CHMP1A: variants seen among roughly 807,000 people sequenced by gnomAD.
CHMP1A encodes VPS46 homolog A.
CHMP1A carries 17 observed loss-of-function variants against 27.0 expected under a neutral mutation model. The ratio of observed to expected loss-of-function variants is 0.63; its 90% CI spans 0.43 to 0.95. The LOEUF (loss-of-function observed/expected upper bound fraction) is 0.95, where lower values mean the gene tolerates loss of function less well. CHMP1A is among the 40% of genes least tolerant of loss of function. The pLI, the probability that CHMP1A is intolerant of heterozygous loss-of-function variation, is 0.00. For synonymous variants in CHMP1A, 131 were observed against 107.5 expected (o/e 1.22, Z -1.35); for missense variants, 275 against 264.0 (o/e 1.04, Z -0.29).
rs2059771387 is a variant in CHMP1A, at chr16:89,646,095, C to T, written c.570-8G>A. ...TTCCTCAAGGCGGCCAACCTGGAAA[C>T]CAACAACAGGACTCGGGTCAGGGCA... On this transcript the variant is annotated splice_region_variant and splice_polypyrimidine_tract_variant and intron_variant, in intron 6 of 6. Coordinates refer to ENST00000397901, the MANE Select transcript of CHMP1A (RefSeq NM_002768.5). 1 of 1,542,366 alleles carries T rather than the reference C, an allele frequency of 6.5e-7. No individual in the cohort carries two copies. The highest frequency in any genetic ancestry group is 2.0e-5 in the Admixed American group (1 of 50,542).
chr16:89,651,683 G>A lies in CHMP1A; in HGVS notation c.28-37C>T, dbSNP rs73262929. 2.5e-3 allele frequency: 3,968 copies of A among 1,605,286 alleles called. 52 individuals carry two copies. In the African/African-American group the frequency reaches 0.034, roughly 14 times the overall value. ...CCGGAATGTCCTGGGTCAGACATGC[G>A]GAGCCCATCCCCCAGGCCCGGCTCT... On this transcript the variant is annotated intron_variant, in intron 2 of 6. Coordinates refer to ENST00000397901, the MANE Select transcript of CHMP1A (RefSeq NM_002768.5).
intron 2 of CHMP1A, among the ~76,000 whole-genome samples, chr16:89,652,894 G>A (rs540628161): frequency 2.6e-5 from 4 of 152,240 alleles, no homozygotes; most frequent in South Asian, 2.1e-4. Flanking sequence ...ATTACCGGAA[G>A]CTGCAACCTC....
At chr16:89,655,573 TGA>T (rs1244112520) in intron 1 of CHMP1A, among the ~76,000 whole-genome samples, 4 of 152,050 alleles carry the variant, frequency 2.6e-5, no homozygotes, top group Non-Finnish European at 5.9e-5. Flanking sequence ...GACATGGGCT[TGA>T]GAGAAGTCCC....
intron 4 of CHMP1A, among the ~76,000 whole-genome samples, chr16:89,648,661 T>C (rs1273310983): frequency 1.3e-5 from 2 of 151,676 alleles, no homozygotes; most frequent in Admixed American, 6.6e-5. Context: ...GAGGCCGAGG[T>C]GGGAAGATTG....
intron 1 of CHMP1A, 36 bp downstream of exon 1, chr16:89,657,546 C>G: frequency 6.2e-7 from 1 of 1,608,998 alleles, no homozygotes; most frequent in Non-Finnish European, 8.5e-7. Flanking sequence ...CCCCGCCCCG[C>G]GCGCGAGTCC....
At position 89,648,861 on chromosome 16, in the gene CHMP1A, T is replaced by A. The variant is rs11076610; in HGVS notation, c.252+490A>T. ...GCCAACATAGACACCCTGTCTCTAC[T>A]TAAAAATGAAAAGATCAGCCGGGCA... On this transcript the variant is annotated intron_variant, in intron 4 of 6. Transcript: ENST00000397901. Among the ~76,000 whole-genome samples, 82 of 97,586 alleles carry A rather than the reference T, an allele frequency of 8.4e-4. 6 individuals carry two copies. Among genetic ancestry groups the A allele is most frequent in the African/African-American group, 2.5e-3 (63 of 25,314 alleles). The allele number at this position is 97,586 out of a possible 152,430, so 64.0% of individuals were successfully genotyped here. A position where few individuals can be genotyped will look rare whatever the true frequency, so the allele number is the denominator to read the frequency against.
intron 1 of CHMP1A, 91 bp downstream of exon 1, chr16:89,657,491 C>T (rs1358276282): frequency 7.2e-6 from 11 of 1,527,820 alleles, no homozygotes; most frequent in South Asian, 1.2e-5. Context: ...CTGAGTCCTG[C>T]CCGCGGCCCC....
chr16:89,656,320 G>C (rs2059869248), intron 1 of CHMP1A, among the ~76,000 whole-genome samples: 1 of 151,998 alleles, frequency 6.6e-6, no homozygotes, highest in South Asian at 2.1e-4. Context: ...TGTATTTCTA[G>C]TAGAGATGGG....
intron 1 of CHMP1A, among the ~76,000 whole-genome samples, chr16:89,655,016 A>C (rs2059853588): frequency 6.6e-6 from 1 of 152,084 alleles, no homozygotes; most frequent in African/African-American, 2.4e-5. Flanking sequence ...AAATTTGGAG[A>C]GCGACCCTGA....
At chr16:89,649,267 A>C in intron 4 of CHMP1A, 84 bp downstream of exon 4, 1 of 1,521,428 alleles carries the variant, frequency 6.6e-7, no homozygotes, top group Admixed American at 1.9e-5. Context: ...GTCAACTCTG[A>C]GCTGCCCCAG....
chr16:89,655,259 T>C lies in CHMP1A; in HGVS notation c.8-1336A>G, dbSNP rs79681023. Among the ~76,000 whole-genome samples the C allele has an allele frequency of 0.024, 3,692 of 152,264 alleles. 674 individuals are homozygous for C. The East Asian group carries it at 0.5, about 21-fold the overall frequency. ...TCAGGTGTGGTCACGGCCAAGGTTA[T>C]CTGTGACTGGAAAACAGCCAGCCTG... On this transcript the variant is annotated intron_variant, in intron 1 of 6. Coordinates refer to ENST00000397901, the MANE Select transcript of CHMP1A (RefSeq NM_002768.5).
intron 1 of CHMP1A, among the ~76,000 whole-genome samples, chr16:89,655,310 G>C (rs1300332246): frequency 6.6e-6 from 1 of 152,180 alleles, no homozygotes; most frequent in Admixed American, 6.5e-5. Flanking sequence ...TGCAGGCCAG[G>C]CGGGCCGTCC....
intron 6 of CHMP1A, 148 bp from the exon 7 acceptor site, chr16:89,646,235 T>C (rs2059772265): frequency 1.3e-6 from 1 of 753,180 alleles, no homozygotes; most frequent in Admixed American, 2.9e-5. Context: ...CCTGTCCCAC[T>C]CTTACCTGAT....
chr16:89,653,369 C>T lies in CHMP1A; in HGVS notation c.27+535G>A, dbSNP rs111769707. ...GGCACAGTGGCTCACGCCTGTAATC[C>T]CAGCACTTTAGGAGGCCGAGGTAGG... On this transcript the variant is annotated intron_variant, in intron 2 of 6. Coordinates refer to ENST00000397901, the MANE Select transcript of CHMP1A (RefSeq NM_002768.5). Among the ~76,000 whole-genome samples, 1,422 of 148,652 alleles carry T rather than the reference C, an allele frequency of 9.6e-3. 23 individuals carry two copies. Among genetic ancestry groups the T allele is most frequent in the African/African-American group, 0.033 (1,347 of 41,006 alleles).
intron 3 of CHMP1A, among the ~76,000 whole-genome samples, chr16:89,651,084 T>C (rs78582372): frequency 0.019 from 2,923 of 151,876 alleles, 37 homozygotes; most frequent in African/African-American, 0.041. Context: ...TCAGAAATCA[T>C]AGTGAGGATT....
Position 89,646,541 on chromosome 16 carries a change from G to C in CHMP1A, c.555C>G (p.Asp185Glu). 1 of 1,584,698 alleles carries C rather than the reference G, an allele frequency of 6.3e-7. No homozygotes were observed. The highest frequency in any genetic ancestry group is 8.6e-7 in the Non-Finnish European group (1 of 1,166,364). The change falls in exon 6 of 7, where the codon GAC (aspartate) becomes GAG (glutamate). Residue 185 changes from aspartate to glutamate, a missense_variant. By Grantham distance (45) the Asp-to-Glu change is conservative. Transcript: ENST00000397901. ...ACCGACCCTACCTCCGTGACAGCTG[G>C]TCCTCCTGGCTGCGCACAGAGCTCT... ...VGESSVRSQE[D>E]QLSRRLAALR...
chr16:89,656,154 T>C (rs2059865949), intron 1 of CHMP1A, among the ~76,000 whole-genome samples: 1 of 152,258 alleles, frequency 6.6e-6, no homozygotes, highest in South Asian at 2.1e-4. Context: ...GAATTTTTTT[T>C]GAGACGGAGT....
intron 3 of CHMP1A, 83 bp downstream of exon 3, chr16:89,651,486 C>T (rs2059823454): frequency 7.3e-7 from 1 of 1,362,718 alleles, no homozygotes; most frequent in African/African-American, 1.4e-5. Context: ...GGCATCAAAA[C>T]AAAACAGGAC....
rs201259282 is a variant in CHMP1A at position 89,646,032 on chromosome 16, C to A, written c.*34G>T. Reference sequence around the variant, plus strand: ...AGGACAGGAGCCTTCCAGCACATCACGGGGCAGAGGCGGTGCACACCGGCG... The same window carrying A: ...AGGACAGGAGCCTTCCAGCACATCAAGGGGCAGAGGCGGTGCACACCGGCG... On this transcript the variant is annotated 3_prime_UTR_variant, in exon 7 of 7. Transcript: ENST00000397901. 918 of 1,601,422 alleles carry A rather than the reference C, an allele frequency of 5.7e-4. No homozygotes were observed. Among genetic ancestry groups the A allele is most frequent in the Non-Finnish European group, 7.3e-4 (853 of 1,175,034 alleles).
Sources: allele counts gnomAD v4.1 joint callset (sites outside exome capture counted in the v4.1 genomes callset), GRCh38; gene constraint gnomAD v4.1.1; transcripts MANE v1.5; gene names NCBI Gene and HGNC (gene_info 2026-07-23, HGNC 2026-07-21).